The following ERCC8 variants were observed in gnomAD, a reference collection of about 807,000 sequenced individuals.
ERCC8 encodes the protein DNA excision repair protein ERCC-8.
In ERCC8, 52 loss-of-function variants were observed where a neutral mutation model predicts 54.9. The observed-to-expected ratio is 0.95, with a 90% confidence interval of 0.76 to 1.19. ERCC8 has a LOEUF of 1.19. Ranked by LOEUF, ERCC8 falls within the 50% of genes most tolerant of loss-of-function variation. ERCC8 has a pLI of 0.00. For missense variants in ERCC8, 514 were observed against 466.1 expected (o/e 1.10, Z -0.95); for synonymous variants, 146 against 157.2 (o/e 0.93, Z 0.53).
At chr5:60,908,005 C>T (rs575820550) in intron 4 of ERCC8, among the ~76,000 whole-genome samples, 2 of 152,264 alleles carry the variant, frequency 1.3e-5, no homozygotes, top group South Asian at 2.1e-4. Flanking sequence ...CTTTTACAGG[C>T]TTCCATTGTA....
At chr5:60,925,332 C>T (rs1749715156) in intron 2 of ERCC8, among the ~76,000 whole-genome samples, 1 of 152,010 alleles carries the variant, frequency 6.6e-6, no homozygotes, top group South Asian at 2.1e-4. Flanking sequence ...TGTCTCTGTA[C>T]TGCTCAATTT....
chr5:60,890,686 G>A (rs886800144), intron 10 of ERCC8, among the ~76,000 whole-genome samples: 2 of 152,276 alleles, frequency 1.3e-5, no homozygotes, highest in South Asian at 2.1e-4. Flanking sequence ...TACCAATCAA[G>A]TTGCACAGTA....
At chr5:60,901,677 TG>T (rs1748908896) in intron 7 of ERCC8, among the ~76,000 whole-genome samples, 1 of 151,996 alleles carries the variant, frequency 6.6e-6, no homozygotes, top group Non-Finnish European at 1.5e-5. Context: ...CCAAACTAGG[TG>T]TACCCTCCAC....
chr5:60,944,890 A>G (rs1750388749), intron 1 of ERCC8, 42 bp downstream of exon 1: 3 of 1,415,162 alleles, frequency 2.1e-6, no homozygotes, highest in East Asian at 2.3e-5. Context: ...ATTGGTCCAG[A>G]TTCTAACTGG....
intron 1 of ERCC8, among the ~76,000 whole-genome samples, chr5:60,941,484 A>G (rs1036099172): frequency 2.0e-5 from 3 of 152,234 alleles, no homozygotes; most frequent in Non-Finnish European, 4.4e-5. Flanking sequence ...GAAGGAGAAG[A>G]GAAAGAGTGT....
At position 60,936,564 on chromosome 5, in the gene ERCC8, G is replaced by A. The variant is rs143935324; in HGVS notation, c.78-7605C>T. Reference sequence around the variant, plus strand: ...TTGGTTATTTTTTTTCTTCTGTTGGGTTTGGGTTTGGTTTGCTGTTTCTCC... The same window carrying A: ...TTGGTTATTTTTTTTCTTCTGTTGGATTTGGGTTTGGTTTGCTGTTTCTCC... On this transcript the variant is annotated intron_variant, in intron 1 of 11. Coordinates refer to ENST00000676185, the MANE Select transcript of ERCC8 (RefSeq NM_000082.4). 2.3e-3 allele frequency among the ~76,000 whole-genome samples: 348 copies of A among 151,972 alleles called. 1 individual carries two copies. The highest frequency in any genetic ancestry group is 7.9e-3 in the African/African-American group (329 of 41,442).
At chr5:60,911,077 A>G (rs1214229793) in intron 4 of ERCC8, among the ~76,000 whole-genome samples, 4 of 152,076 alleles carry the variant, frequency 2.6e-5, no homozygotes, top group African/African-American at 9.7e-5. Flanking sequence ...TTTTTTAATT[A>G]TACTTTTAAG....
intron 4 of ERCC8, among the ~76,000 whole-genome samples, chr5:60,908,564 C>CATATAT (rs1554073813): frequency 4.4e-4 from 63 of 144,030 alleles, no homozygotes; most frequent in African/African-American, 1.5e-3. Flanking sequence ...CATATAAATA[C>CATATAT]ATATATATAT....
intron 11 of ERCC8, among the ~76,000 whole-genome samples, chr5:60,885,805 T>C (rs2112469709): frequency 6.6e-6 from 1 of 152,298 alleles, no homozygotes; most frequent in Admixed American, 6.5e-5. Context: ...GAAATATATA[T>C]TGTCAATAGC....
At chr5:60,932,897 A>G (rs1322528724) in intron 1 of ERCC8, among the ~76,000 whole-genome samples, 1 of 152,168 alleles carries the variant, frequency 6.6e-6, no homozygotes, top group Non-Finnish European at 1.5e-5. Context: ...GGGAAGGCAG[A>G]AGAGCCTGGG....
chr5:60,892,443 G>A (rs4647122), intron 9 of ERCC8: 25,939 of 557,492 alleles, frequency 0.047, 779 homozygotes, highest in Non-Finnish European at 0.065. Context: ...ACTGAGATGG[G>A]CAGGCAGAGT....
chr5:60,911,423 C>T (rs1749256907), intron 4 of ERCC8, among the ~76,000 whole-genome samples: 1 of 151,624 alleles, frequency 6.6e-6, no homozygotes, highest in African/African-American at 2.4e-5. Context: ...ATATGCTTTG[C>T]CTACTTTTTG....
rs76157730 is a variant in ERCC8, at chr5:60,902,470, G to T, written c.589C>A (p.Arg197Ser). The change falls in exon 7 of 12, where the codon CGT becomes AGT. Residue 197 changes from arginine to serine, a missense_variant. By Grantham distance (110) the Arg-to-Ser change is moderately radical. Transcript: ENST00000676185. ...QEILAVSWSP[R>S]YDYILATASA... ...GCTGTTGCCAAGATATAGTCATAAC[G>T]TGGAGACCAGGAAACTGCTAATATT... The T allele has an allele frequency of 6.2e-7, 1 of 1,612,198 alleles. No homozygotes were observed. The highest frequency in any genetic ancestry group is 2.2e-5 in the East Asian group (1 of 44,744).
intron 11 of ERCC8, among the ~76,000 whole-genome samples, chr5:60,881,861 A>G (rs965471481): frequency 1.3e-5 from 2 of 152,072 alleles, no homozygotes; most frequent in Admixed American, 6.5e-5. Context: ...CGCTGCACCC[A>G]CTGTCCTGCA....
At chr5:60,888,249 G>T (rs945034177) in intron 10 of ERCC8, among the ~76,000 whole-genome samples, 1 of 152,042 alleles carries the variant, frequency 6.6e-6, no homozygotes, top group Non-Finnish European at 1.5e-5. Context: ...TGGGAAAAGG[G>T]AAAATAAGAT....
intron 11 of ERCC8, among the ~76,000 whole-genome samples, chr5:60,877,593 C>G (rs1748054202): frequency 6.6e-6 from 1 of 151,824 alleles, no homozygotes; most frequent in African/African-American, 2.4e-5. Flanking sequence ...TCCTTCACAT[C>G]CCTTGTAAGT....
chr5:60,898,530 AAC>A, intron 8 of ERCC8, 130 bp from the exon 9 acceptor site: 13 of 943,778 alleles, frequency 1.4e-5, no homozygotes, highest in Non-Finnish European at 2.0e-5. Flanking sequence ...GATTATACTT[AAC>A]CAACCCTTCA....
chr5:60,918,011 A>T (rs1324981297), intron 4 of ERCC8: 1 of 453,284 alleles, frequency 2.2e-6, no homozygotes. Context: ...TTTAATCCTC[A>T]CAACCATACT....
rs1239771631 is a variant in ERCC8 at position 60,870,741 on chromosome 5, G to A, written c.*3874C>T. ...TTTTAGATAATCCAAAAAAGAAGAA[G>A]GAAAAAGGAGAAGCAACAATTAGAC... On this transcript the variant is annotated 3_prime_UTR_variant, in exon 12 of 12. Transcript: ENST00000676185. 6.6e-6 allele frequency among the ~76,000 whole-genome samples: 1 copy of A among 151,062 alleles called. No individual in the cohort carries two copies. Among genetic ancestry groups the A allele is most frequent in the Non-Finnish European group, 1.5e-5 (1 of 67,838 alleles).
Sources: allele counts gnomAD v4.1 joint callset (sites outside exome capture counted in the v4.1 genomes callset), GRCh38; gene constraint gnomAD v4.1.1; transcripts MANE v1.5; gene names NCBI Gene and HGNC (gene_info 2026-07-23, HGNC 2026-07-21).